KAZN: variants seen among roughly 807,000 people sequenced by gnomAD.
The protein encoded by KAZN is kazrin, periplakin interacting protein.
KAZN carries 40 observed loss-of-function variants against 87.4 expected under a neutral mutation model. The observed-to-expected ratio is 0.46, with a 90% CI of 0.36 to 0.60. The LOEUF is 0.60. Ranked by LOEUF, KAZN falls within the 20% of genes least tolerant of loss-of-function variation. KAZN has a pLI of 0.00. For synonymous variants in KAZN, 466 were observed against 458.3 expected, an observed-to-expected ratio of 1.02 and a Z score of -0.22; for missense variants, 898 against 1,073.9, an observed-to-expected ratio of 0.84 and a Z score of 2.29.
intron 1 of KAZN, among the ~76,000 whole-genome samples, chr1:14,102,912 C>CTTTTTTTTTTTTTTTTT (rs140592376): frequency 6.7e-6 from 1 of 149,424 alleles, no homozygotes. Context: ...ACTAATCTCT[C>CTTTTTTTTTTTTTTTTT]TCTTTTTTTT....
At chr1:14,045,540 AATT>A in intron 1 of KAZN, among the ~76,000 whole-genome samples, 1 of 152,288 alleles carries the variant, frequency 6.6e-6, no homozygotes, top group Admixed American at 6.5e-5. Context: ...AAATATCTAC[AATT>A]ATTATTATCA....
At chr1:14,980,938 C>A (rs1315990974) in intron 2 of KAZN, among the ~76,000 whole-genome samples, 1 of 152,110 alleles carries the variant, frequency 6.6e-6, no homozygotes, top group Admixed American at 6.5e-5. Context: ...TGAGCCCCTG[C>A]AAGAGCATGT....
chr1:14,341,412 G>C (rs1236193560), intron 2 of KAZN, among the ~76,000 whole-genome samples: 1 of 152,132 alleles, frequency 6.6e-6, no homozygotes, highest in African/African-American at 2.4e-5. Context: ...CCTGGGCTCA[G>C]GGTGCTGCAG....
chr1:13,907,505 G>A (rs1367942795), intron 1 of KAZN, among the ~76,000 whole-genome samples: 2 of 150,890 alleles, frequency 1.3e-5, no homozygotes, highest in African/African-American at 2.4e-5. Context: ...CTGTGTGTGT[G>A]TGTGTTGGGT....
intron 2 of KAZN, among the ~76,000 whole-genome samples, chr1:14,385,851 C>T (rs1039780690): frequency 2.0e-5 from 3 of 147,620 alleles, no homozygotes; most frequent in Non-Finnish European, 3.0e-5. Flanking sequence ...GAGCTGAGTT[C>T]AATTCCTGGG....
chr1:14,641,450 A>G (rs2148675862), intron 1 of KAZN, among the ~76,000 whole-genome samples: 1 of 152,310 alleles, frequency 6.6e-6, no homozygotes. Context: ...CAGGCCATGC[A>G]GGATTGGCAT....
At chr1:14,078,097 G>T (rs1161139145) in intron 1 of KAZN, among the ~76,000 whole-genome samples, 1 of 152,146 alleles carries the variant, frequency 6.6e-6, no homozygotes, top group Non-Finnish European at 1.5e-5. Context: ...ATCGTTAAGG[G>T]GTTCATGTAT....
intron 2 of KAZN, among the ~76,000 whole-genome samples, chr1:14,323,943 C>G (rs570290779): frequency 6.6e-6 from 1 of 152,300 alleles, no homozygotes; most frequent in East Asian, 1.9e-4. Flanking sequence ...CTTTCAAGTA[C>G]TTGGATTCAT....
chr1:15,046,073 G>A (rs1362323215), intron 4 of KAZN, among the ~76,000 whole-genome samples: 2 of 152,152 alleles, frequency 1.3e-5, no homozygotes, highest in South Asian at 4.2e-4. Flanking sequence ...CGAGGAGGGT[G>A]GATCACCTGA....
intron 1 of KAZN, among the ~76,000 whole-genome samples, chr1:14,946,915 A>G (rs1661872561): frequency 6.6e-6 from 1 of 152,166 alleles, no homozygotes; most frequent in Admixed American, 6.5e-5. Context: ...GGAAATAGAA[A>G]TGCCTGTTCT....
At position 14,308,959 on chromosome 1, in the gene KAZN, G is replaced by A. The variant is rs757174081; in HGVS notation, c.249+128367G>A. On this transcript the variant is annotated intron_variant, in intron 2 of 16. Transcript: ENST00000636203. Reference sequence around the variant, plus strand: ...AATACATGCAGTCCTCAAAGGGCACGAATGTGTTTAACAAGAATTAATGAA... The same window carrying A: ...AATACATGCAGTCCTCAAAGGGCACAAATGTGTTTAACAAGAATTAATGAA... Among the ~76,000 whole-genome samples the A allele has an allele frequency of 3.3e-5, 5 of 152,196 alleles. No homozygotes were observed. In the South Asian group the frequency reaches 1.0e-3, roughly 31 times the overall value.
chr1:14,904,062 T>C (rs2101296120), intron 1 of KAZN, among the ~76,000 whole-genome samples: 1 of 152,304 alleles, frequency 6.6e-6, no homozygotes, highest in East Asian at 1.9e-4. Flanking sequence ...GGTTGGTTAG[T>C]CACCTGATTA....
At chr1:14,647,171 C>T (rs531028573) in intron 1 of KAZN, among the ~76,000 whole-genome samples, 1 of 152,292 alleles carries the variant, frequency 6.6e-6, no homozygotes, top group Non-Finnish European at 1.5e-5. Context: ...GGAAGAGTAA[C>T]ATATTTTAAT....
chr1:14,412,425 A>C (rs569566519), intron 2 of KAZN, among the ~76,000 whole-genome samples: 301 of 152,210 alleles, frequency 2.0e-3, no homozygotes, highest in Non-Finnish European at 2.7e-3. Context: ...CAAACTGATA[A>C]AACTGAGAAC....
intron 1 of KAZN, among the ~76,000 whole-genome samples, chr1:14,633,774 G>T (rs1191867842): frequency 6.6e-6 from 1 of 152,112 alleles, no homozygotes; most frequent in Non-Finnish European, 1.5e-5. Context: ...CTCCTACAGT[G>T]CCTTGGGGAC....
At chr1:14,643,697 G>C (rs536993136) in intron 1 of KAZN, among the ~76,000 whole-genome samples, 9 of 152,230 alleles carry the variant, frequency 5.9e-5, no homozygotes, top group African/African-American at 2.2e-4. Flanking sequence ...TAGGATTGCT[G>C]GGTTGAACAG....
At chr1:14,019,272 A>G (rs1161177086) in intron 1 of KAZN, among the ~76,000 whole-genome samples, 1 of 152,132 alleles carries the variant, frequency 6.6e-6, no homozygotes. Flanking sequence ...AATGAGAACC[A>G]CACACTCAAT....
intron 4 of KAZN, among the ~76,000 whole-genome samples, chr1:15,052,109 C>A (rs1272552911): frequency 6.6e-6 from 1 of 152,040 alleles, no homozygotes; most frequent in African/African-American, 2.4e-5. Context: ...TGTCAATTGC[C>A]ACAGGAGAGG....
chr1:14,538,624 C>T (rs1249467261), intron 2 of KAZN, among the ~76,000 whole-genome samples: 1 of 152,162 alleles, frequency 6.6e-6, no homozygotes, highest in Non-Finnish European at 1.5e-5. Flanking sequence ...TTAAAGACCC[C>T]TCCTCTTAAT....
Sources: gnomAD v4.1 joint callset for allele counts (sites outside exome capture counted in the v4.1 genomes callset) on GRCh38, gnomAD v4.1.1 for gene constraint, MANE v1.5 for transcripts, NCBI Gene and HGNC (gene_info 2026-07-23, HGNC 2026-07-21) for gene names.